Variants in FAM234A observed in about 807,000 individuals in gnomAD.
The protein encoded by FAM234A is protein FAM234A.
In FAM234A, 42 loss-of-function variants were observed where a neutral mutation model predicts 49.1. That is an observed-to-expected ratio of 0.86 (90% confidence interval 0.67 to 1.11). The LOEUF (loss-of-function observed/expected upper bound fraction) is 1.11, where lower values mean the gene tolerates loss of function less well. Among genes scored for constraint, FAM234A ranks in the 50% least tolerant of loss-of-function variants. The probability of loss-of-function intolerance (pLI) is 0.00; values close to 1 mark genes in which losing one functional copy is unlikely to be tolerated. For synonymous variants in FAM234A, 369 were observed against 316.2 expected, an observed-to-expected ratio of 1.17 and a Z score of -1.77; for missense variants, 815 against 745.2, an observed-to-expected ratio of 1.09 and a Z score of -1.09.
intron 1 of FAM234A, among the ~76,000 whole-genome samples, chr16:244,552 C>T (rs1428437825): frequency 1.3e-5 from 2 of 152,154 alleles, no homozygotes; most frequent in Admixed American, 1.3e-4. Context: ...CTCCCCCTTA[C>T]TAACGGTTTT....
chr16:260,323 A>G (rs1596834212), intron 5 of FAM234A, 163 bp downstream of exon 5: 4 of 669,302 alleles, frequency 6.0e-6, no homozygotes, highest in Non-Finnish European at 1.0e-5. Context: ...TGAGGCTGCA[A>G]GCGTGTGGAA....
intron 1 of FAM234A, among the ~76,000 whole-genome samples, chr16:246,065 C>T (rs946886093): frequency 6.6e-6 from 1 of 150,894 alleles, no homozygotes; most frequent in Non-Finnish European, 1.5e-5. Flanking sequence ...TAGCTGGGTG[C>T]GGTGGTGGGT....
At chr16:245,207 C>T (rs540107440) in intron 1 of FAM234A, among the ~76,000 whole-genome samples, 28 of 152,072 alleles carry the variant, frequency 1.8e-4, no homozygotes, top group Non-Finnish European at 2.2e-4. Context: ...ATTTGCCCGG[C>T]GCGGTGATGC....
At chr16:258,015 G>A (rs554108954) in intron 3 of FAM234A, among the ~76,000 whole-genome samples, 9 of 152,008 alleles carry the variant, frequency 5.9e-5, no homozygotes, top group South Asian at 2.1e-4. Flanking sequence ...CCGCCACCAC[G>A]CCCGGCTAAT....
intron 1 of FAM234A, among the ~76,000 whole-genome samples, chr16:242,774 G>C (rs1008731631): frequency 1.3e-5 from 2 of 151,214 alleles, no homozygotes; most frequent in Admixed American, 6.6e-5. Context: ...CACCACGCCT[G>C]GTTAATTTTT....
intron 2 of FAM234A, among the ~76,000 whole-genome samples, 170 bp downstream of exon 2, chr16:249,824 A>G (rs1017798480): frequency 2.6e-5 from 4 of 152,100 alleles, no homozygotes; most frequent in Non-Finnish European, 5.9e-5. Context: ...CTTGGCTGCA[A>G]TTTTAAAGCT....
chr16:256,107 G>A (rs2141295226), intron 3 of FAM234A, among the ~76,000 whole-genome samples: 1 of 152,350 alleles, frequency 6.6e-6, no homozygotes, highest in East Asian at 1.9e-4. Context: ...TGGGAGGGTT[G>A]GCTGACGATC....
intron 3 of FAM234A, among the ~76,000 whole-genome samples, chr16:257,814 T>C (rs1210444733): frequency 6.6e-6 from 1 of 152,024 alleles, no homozygotes; most frequent in East Asian, 1.9e-4. Flanking sequence ...AGCCAGACCC[T>C]GTCTCTAAAA....
At chr16:238,324 C>T (rs963279470) in intron 1 of FAM234A, among the ~76,000 whole-genome samples, 7 of 152,022 alleles carry the variant, frequency 4.6e-5, no homozygotes, top group Non-Finnish European at 1.0e-4. Flanking sequence ...CGCCCCTGTC[C>T]GAACATTTTT....
chr16:269,600 G>C (rs780332060), downstream of FAM234A: 4 of 1,602,156 alleles, frequency 2.5e-6, 1 homozygote, highest in South Asian at 2.2e-5. Context: ...AAGAGACAGC[G>C]TCCAGCCCCT....
chr16:266,965 T>A (rs1358765364), downstream of FAM234A, among the ~76,000 whole-genome samples: 2 of 151,796 alleles, frequency 1.3e-5, no homozygotes, highest in African/African-American at 4.8e-5. Flanking sequence ...CCCCTGGCCA[T>A]GGAGGGGTGG....
chr16:253,970 T>C (rs1030500057), intron 2 of FAM234A: 9 of 190,368 alleles, frequency 4.7e-5, no homozygotes, highest in African/African-American at 7.2e-5. Context: ...AGGGAGTCCA[T>C]GTGTGCGCAC....
intron 1 of FAM234A, among the ~76,000 whole-genome samples, chr16:249,303 C>T (rs2050916705): frequency 6.6e-6 from 1 of 151,944 alleles, no homozygotes; most frequent in Non-Finnish European, 1.5e-5. Flanking sequence ...TCGGTCTGTT[C>T]TTCTCTGCTT....
intron 5 of FAM234A, 43 bp downstream of exon 5, chr16:260,203 C>G (rs1485524936): frequency 1.3e-6 from 2 of 1,566,214 alleles, no homozygotes; most frequent in East Asian, 2.2e-5. Context: ...GGGCCTCTCA[C>G]CTGAGCCACC....
At position 259,510 on chromosome 16, in the gene FAM234A, A is replaced by G. The variant is rs2051371780; in HGVS notation, c.296A>G (p.Asp99Gly). The G allele has an allele frequency of 3.1e-6, 5 of 1,609,354 alleles. No homozygotes were observed. The highest frequency in any genetic ancestry group is 4.5e-5 in the East Asian group (2 of 44,878). ...ATCTATGACTTTCTGGCTGTGGATGATATAAACGGGGACAGGATCCAAGAT... is the reference window on the plus strand; with the variant it reads ...ATCTATGACTTTCTGGCTGTGGATGGTATAAACGGGGACAGGATCCAAGAT... ...AVIYDFLAVDDINGDRIQDVL... is the reference protein window; with the variant it reads ...AVIYDFLAVDGINGDRIQDVL... Residue 99 changes from aspartate to glycine, a missense_variant, in exon 4 of 13, where the codon GAT (aspartate) becomes GGT (glycine). Coordinates refer to ENST00000399932, the MANE Select transcript of FAM234A (RefSeq NM_032039.4).
At chr16:262,657 A>G in intron 8 of FAM234A, 104 bp downstream of exon 8, 1 of 1,238,458 alleles carries the variant, frequency 8.1e-7, no homozygotes, top group East Asian at 2.8e-5. Context: ...GAGCAGCCCC[A>G]CCGGCAGGGA....
chr16:254,017 G>C (rs1376607161), intron 2 of FAM234A: 1 of 229,364 alleles, frequency 4.4e-6, no homozygotes, highest in African/African-American at 2.3e-5. Context: ...GAGGCTGGTG[G>C]AAGGTGGCTC....
intron 1 of FAM234A, among the ~76,000 whole-genome samples, chr16:242,982 T>C (rs1177945066): frequency 7.2e-6 from 1 of 138,004 alleles, no homozygotes; most frequent in Non-Finnish European, 1.6e-5. Flanking sequence ...GAGCCCTCAC[T>C]TTTTTTTTTT....
intron 1 of FAM234A, among the ~76,000 whole-genome samples, chr16:242,452 G>C (rs1211175737): frequency 6.6e-6 from 1 of 152,004 alleles, no homozygotes; most frequent in Non-Finnish European, 1.5e-5. Flanking sequence ...GTCCTCCAGT[G>C]ATCTGTCCAC....
Sources: allele counts gnomAD v4.1 joint callset (sites outside exome capture counted in the v4.1 genomes callset), GRCh38; gene constraint gnomAD v4.1.1; transcripts MANE v1.5; gene names NCBI Gene and HGNC (gene_info 2026-07-23, HGNC 2026-07-21).